Variants in PARD3B observed in about 807,000 individuals in gnomAD.
The protein encoded by PARD3B is partitioning defective 3 homolog B.
PARD3B carries 103 observed loss-of-function variants against 130.2 expected under a neutral mutation model. The observed-to-expected ratio is 0.79, with a 90% confidence interval of 0.67 to 0.93. The LOEUF (loss-of-function observed/expected upper bound fraction) is 0.93. PARD3B is among the 40% of genes least tolerant of loss of function. PARD3B has a pLI of 0.00. For synonymous variants in PARD3B, 583 were observed against 553.2 expected, an observed-to-expected ratio of 1.05 and a Z score of -0.76; for missense variants, 1,609 against 1,499.2, an observed-to-expected ratio of 1.07 and a Z score of -1.21.
chr2:204,770,762 C>T (rs544996154), intron 2 of PARD3B, among the ~76,000 whole-genome samples: 2 of 152,162 alleles, frequency 1.3e-5, no homozygotes, highest in African/African-American at 4.8e-5. Flanking sequence ...AGCTTACACC[C>T]CATCCTCTGC....
rs2041183678 is a variant in PARD3B, at chr2:205,281,403, C to A, written c.2186-19127C>A. Among the ~76,000 whole-genome samples the A allele has an allele frequency of 6.6e-6, 1 of 152,188 alleles. No individual in the cohort carries two copies. Among genetic ancestry groups the A allele is most frequent in the Admixed American group, 6.5e-5 (1 of 15,276 alleles). ...GGTCCCACACTGCCTAAGTCATTTT[C>A]TGGTCTTCATATTGCACACAAAAGT... On this transcript the variant is annotated intron_variant, in intron 16 of 22. Coordinates refer to ENST00000406610, the MANE Select transcript of PARD3B (RefSeq NM_001302769.2). This position sits in a 1 kb window ranked among gnomAD's most constrained non-coding sequence, Gnocchi z 4.2.
chr2:205,495,700 T>C lies in PARD3B; in HGVS notation c.3045-4196T>C, dbSNP rs2049898864. Among the ~76,000 whole-genome samples the C allele has an allele frequency of 2.6e-5, 4 of 152,174 alleles. No homozygotes were observed. In the South Asian group the frequency reaches 8.3e-4, roughly 32 times the overall value. On this transcript the variant is annotated intron_variant, in intron 20 of 22. Transcript: ENST00000406610. ...CTTCCATTCTTGTTCAGTATCTTGC[T>C]AGAGGACCCAGTCTCTAAAACATAA...
chr2:205,063,714 T>C (rs1700191375), intron 4 of PARD3B, among the ~76,000 whole-genome samples: 1 of 152,192 alleles, frequency 6.6e-6, no homozygotes, highest in South Asian at 2.1e-4. Context: ...GTTAAGTAAA[T>C]GTCAAATTGT....
At chr2:205,419,353 C>G (rs912174911) in intron 19 of PARD3B, among the ~76,000 whole-genome samples, 1 of 152,114 alleles carries the variant, frequency 6.6e-6, no homozygotes, top group African/African-American at 2.4e-5. Flanking sequence ...GAGGCCCCCA[C>G]TAGCCATGTA....
At chr2:205,104,718 T>C (rs540698653) in intron 5 of PARD3B, among the ~76,000 whole-genome samples, 1 of 152,306 alleles carries the variant, frequency 6.6e-6, no homozygotes, top group East Asian at 1.9e-4. Context: ...TATATACAAA[T>C]GATCCTTAAT....
intron 1 of PARD3B, among the ~76,000 whole-genome samples, chr2:204,624,771 T>C (rs1432928295): frequency 6.6e-6 from 1 of 152,150 alleles, no homozygotes; most frequent in East Asian, 1.9e-4. Context: ...CTCTGGGCCA[T>C]ATGTTAAGTG....
intron 20 of PARD3B, among the ~76,000 whole-genome samples, chr2:205,494,982 T>C (rs1221770060): frequency 2.6e-5 from 4 of 152,128 alleles, no homozygotes; most frequent in Admixed American, 1.3e-4. Context: ...AATGTTAATT[T>C]TTTTCAGCCT....
chr2:204,882,735 A>T (rs1465960029), intron 2 of PARD3B, among the ~76,000 whole-genome samples: 3 of 152,248 alleles, frequency 2.0e-5, no homozygotes, highest in African/African-American at 7.2e-5. Flanking sequence ...CTTATTAGAA[A>T]TACAAAATCT....
intron 2 of PARD3B, among the ~76,000 whole-genome samples, chr2:204,926,116 T>C (rs1510775): frequency 0.61 from 92,146 of 151,790 alleles, 29,558 homozygotes; most frequent in African/African-American, 0.71. Flanking sequence ...ACTCCAGAGA[T>C]ATATGCGTAT....
intron 3 of PARD3B, among the ~76,000 whole-genome samples, chr2:205,033,138 C>G (rs1049903018): frequency 1.3e-5 from 2 of 152,126 alleles, no homozygotes; most frequent in African/African-American, 4.8e-5. Context: ...TGGTACAGAC[C>G]AACAACAATG....
chr2:204,913,758 G>A (rs1428293852), intron 2 of PARD3B, among the ~76,000 whole-genome samples: 1 of 152,132 alleles, frequency 6.6e-6, no homozygotes, highest in Non-Finnish European at 1.5e-5. Flanking sequence ...GATTATTTAA[G>A]AATTAACTAA....
chr2:204,959,224 C>T (rs369804261), intron 2 of PARD3B, among the ~76,000 whole-genome samples: 3 of 152,024 alleles, frequency 2.0e-5, no homozygotes, highest in Non-Finnish European at 2.9e-5. Context: ...TGAGAACATG[C>T]GGTGTTTGGT....
chr2:205,479,369 C>T (rs2049140891), intron 20 of PARD3B, among the ~76,000 whole-genome samples: 1 of 152,152 alleles, frequency 6.6e-6, no homozygotes, highest in South Asian at 2.1e-4. Flanking sequence ...CTACAGAAGA[C>T]ACAAGAATGA....
chr2:204,711,275 C>T (rs1241515744), intron 2 of PARD3B, among the ~76,000 whole-genome samples: 7 of 152,118 alleles, frequency 4.6e-5, no homozygotes, highest in Admixed American at 3.9e-4. Context: ...GCTTGTTTTA[C>T]AACAAACTTT....
chr2:205,357,384 G>T (rs2044233401), intron 18 of PARD3B, among the ~76,000 whole-genome samples: 1 of 152,140 alleles, frequency 6.6e-6, no homozygotes, highest in African/African-American at 2.4e-5. Flanking sequence ...ATATTTGGAA[G>T]ACAAAAATAA....
At position 204,583,622 on chromosome 2, in the gene PARD3B, T is replaced by TAA. The variant is rs1183973275; in HGVS notation, c.120+37524_120+37525dup. 2.3e-3 allele frequency among the ~76,000 whole-genome samples: 160 copies of TAA among 70,460 alleles called. 2 individuals carry two copies. Among genetic ancestry groups the TAA allele is most frequent in the African/African-American group, 4.6e-3 (100 of 21,906 alleles). The allele number at this position is 70,460 out of a possible 152,430, so 46.2% of individuals were successfully genotyped here. A position where few individuals can be genotyped will look rare whatever the true frequency, so the allele number is the denominator to read the frequency against. ...CACATGTACCCTAAAACTTAAAGTA[T>TAA]AAAAAAAAAAAAAAAAAAAAAAGCA... On this transcript the variant is annotated intron_variant, in intron 1 of 22. Transcript: ENST00000406610.
chr2:205,375,670 G>GAA, intron 18 of PARD3B, among the ~76,000 whole-genome samples: 1 of 152,152 alleles, frequency 6.6e-6, no homozygotes, highest in South Asian at 2.1e-4. Context: ...GAGAGAGAGA[G>GAA]AACGCACATG....
intron 2 of PARD3B, among the ~76,000 whole-genome samples, chr2:204,796,767 G>C (rs2042388881): frequency 6.6e-6 from 1 of 152,096 alleles, no homozygotes; most frequent in Admixed American, 6.5e-5. Context: ...TTACGTCGTT[G>C]GTTTTCAGTT....
intron 18 of PARD3B, among the ~76,000 whole-genome samples, chr2:205,379,173 AG>A (rs1440403237): frequency 6.6e-6 from 1 of 152,200 alleles, no homozygotes; most frequent in African/African-American, 2.4e-5. Context: ...TTGTTCTCAA[AG>A]GCTCCATAAT....
Sources: gnomAD v4.1 joint callset for allele counts (sites outside exome capture counted in the v4.1 genomes callset) on GRCh38, gnomAD v4.1.1 for gene constraint, Gnocchi (gnomAD v3.1) non-coding constraint, MANE v1.5 for transcripts, NCBI Gene and HGNC (gene_info 2026-07-23, HGNC 2026-07-21) for gene names.